Variants in ENOX2 observed in about 807,000 individuals in gnomAD.
The protein encoded by ENOX2 is APK1 antigen.
In ENOX2, 36 loss-of-function variants were observed where a neutral mutation model predicts 45.0. The ratio of observed to expected loss-of-function variants is 0.80; its 90% CI spans 0.61 to 1.06. ENOX2 has a LOEUF of 1.06. Among genes scored for constraint, ENOX2 ranks in the 50% least tolerant of loss-of-function variants. The pLI is 0.00. For synonymous variants in ENOX2, 174 were observed against 152.3 expected, an observed-to-expected ratio of 1.14 and a Z score of -1.05; for missense variants, 423 against 462.5, an observed-to-expected ratio of 0.91 and a Z score of 0.78.
At chrX:130,732,698 TCA>T (rs201498808) in intron 3 of ENOX2, among the ~76,000 whole-genome samples, 4,128 of 99,643 alleles carry the variant, frequency 0.041, 104 homozygotes, top group African/African-American at 0.089. Flanking sequence ...ATAAATCCAT[TCA>T]CACACACACA....
chrX:130,832,941 G>A (rs1203865662), intron 2 of ENOX2, among the ~76,000 whole-genome samples: 1 of 107,937 alleles, frequency 9.3e-6, no homozygotes, highest in African/African-American at 3.4e-5. Flanking sequence ...CTAACTGGTG[G>A]GCCAGATAAA....
At chrX:130,693,444 A>G (rs2037668804) in intron 4 of ENOX2, among the ~76,000 whole-genome samples, 1 of 111,930 alleles carries the variant, frequency 8.9e-6, no homozygotes, top group Non-Finnish European at 1.9e-5. Context: ...GTTGAGGTTC[A>G]AGGGGGGTTT....
At chrX:130,797,108 G>C (rs2077142782) in intron 2 of ENOX2, among the ~76,000 whole-genome samples, 1 of 111,635 alleles carries the variant, frequency 9.0e-6, no homozygotes, top group African/African-American at 3.3e-5. Flanking sequence ...CACTGTATGA[G>C]AGTTAAAATC....
intron 2 of ENOX2, among the ~76,000 whole-genome samples, chrX:130,869,871 C>G (rs2078544734): frequency 1.8e-5 from 2 of 110,967 alleles, no homozygotes; most frequent in African/African-American, 3.2e-5. Context: ...TAAAACTTAA[C>G]AGAAATAGGC....
At chrX:130,676,433 C>A (rs1406267456) in intron 6 of ENOX2, among the ~76,000 whole-genome samples, 1 of 111,403 alleles carries the variant, frequency 9.0e-6, no homozygotes, top group East Asian at 2.8e-4. Flanking sequence ...ATTTAAAGGG[C>A]AAAATTTAGT....
chrX:130,715,099 A>T (rs1323503146), intron 3 of ENOX2, among the ~76,000 whole-genome samples: 1 of 111,753 alleles, frequency 8.9e-6, no homozygotes, highest in Non-Finnish European at 1.9e-5. Flanking sequence ...TCTCTCCTAA[A>T]AGTAGAATGT....
chrX:130,692,418 G>T (rs1033881337), intron 4 of ENOX2, among the ~76,000 whole-genome samples: 3 of 112,493 alleles, frequency 2.7e-5, no homozygotes, highest in African/African-American at 9.7e-5. Context: ...AAGAGTTATG[G>T]AAAAGGCCAA....
rs2037950717 is a variant in ENOX2 at position 130,703,313 on chromosome X, C to G, written c.-38-59G>C. 2.8e-6 allele frequency: 3 copies of G among 1,074,650 alleles called. No individual in the cohort carries two copies. The Admixed American group carries it at 8.1e-5, about 29-fold the overall frequency. The allele number at this position is 1,074,650 out of a possible 1,213,427, so 88.6% of individuals were successfully genotyped here. A position where few individuals can be genotyped will look rare whatever the true frequency, so the allele number is the denominator to read the frequency against. ...TGTTAAGGTTCTAGCAACTAGTTTACTTATAAACATAAATTCTGGCAAACT... is the reference window on the plus strand; with the variant it reads ...TGTTAAGGTTCTAGCAACTAGTTTAGTTATAAACATAAATTCTGGCAAACT... On this transcript the variant is annotated intron_variant, in intron 3 of 14. Coordinates refer to ENST00000394363, the MANE Select transcript of ENOX2 (RefSeq NM_006375.4).
chrX:130,637,467 G>A, intron 10 of ENOX2, 57 bp from the exon 11 acceptor site: 1 of 1,043,436 alleles, frequency 9.6e-7, no homozygotes. Flanking sequence ...TGATTCATCT[G>A]GATATCACAA....
chrX:130,624,352 A>C lies in ENOX2; in HGVS notation c.*962T>G, dbSNP rs2035489854. The stretch of plus-strand genomic sequence containing the variant: ...TATCAAGTCTTTGCAAACATTCAGC[A>C]TGAAGTAAACATAGTATTTACAGCA... On this transcript the variant is annotated 3_prime_UTR_variant, in exon 15 of 15. Coordinates refer to ENST00000394363, the MANE Select transcript of ENOX2 (RefSeq NM_006375.4). 8.8e-6 allele frequency: 1 copy of C among 113,003 alleles called. No individual in the cohort carries two copies. Among genetic ancestry groups the C allele is most frequent in the Admixed American group, 9.4e-5 (1 of 10,659 alleles). 9.3% of individuals were successfully genotyped at this position (113,003 alleles called of 1,213,427 possible).
intron 9 of ENOX2, among the ~76,000 whole-genome samples, chrX:130,665,339 T>C: frequency 8.9e-6 from 1 of 112,322 alleles, no homozygotes; most frequent in Non-Finnish European, 1.9e-5. Flanking sequence ...CAGTAATTAT[T>C]GTTGTACCCA....
At chrX:130,721,614 G>A (rs772269681) in intron 3 of ENOX2, among the ~76,000 whole-genome samples, 1 of 111,211 alleles carries the variant, frequency 9.0e-6, no homozygotes, top group African/African-American at 3.3e-5. Flanking sequence ...TAGGAGACTC[G>A]GGCAGAGGGT....
chrX:130,688,995 T>C lies in ENOX2; in HGVS notation c.121A>G (p.Met41Val). 5.0e-6 allele frequency: 6 copies of C among 1,208,059 alleles called. No homozygotes were observed. Among genetic ancestry groups the C allele is most frequent in the Non-Finnish European group, 6.7e-6 (6 of 893,236 alleles). Residue 41 changes from methionine to valine, a missense_variant, in exon 5 of 15, where the codon ATG becomes GTG. By Grantham distance (21) the Met-to-Val change is conservative (BLOSUM62 1). Coordinates refer to ENST00000394363, the MANE Select transcript of ENOX2 (RefSeq NM_006375.4). Reference sequence around the variant, plus strand: ...GGAGTTATTGGTGGAATTCCAGTCATCATTCCAAGAGCAGGATCAAAGTCT... The same window carrying C: ...GGAGTTATTGGTGGAATTCCAGTCACCATTCCAAGAGCAGGATCAAAGTCT... ...LPDFDPALGMMTGIPPITPMM... is the reference protein window; with the variant it reads ...LPDFDPALGMVTGIPPITPMM...
intron 2 of ENOX2, among the ~76,000 whole-genome samples, chrX:130,788,320 A>G (rs2076997268): frequency 8.9e-6 from 1 of 112,220 alleles, no homozygotes; most frequent in South Asian, 3.7e-4. Flanking sequence ...AGCAATTTCT[A>G]CCATTTTTTC....
chrX:130,658,376 C>G (rs923697592), intron 9 of ENOX2, among the ~76,000 whole-genome samples: 1 of 111,519 alleles, frequency 9.0e-6, no homozygotes, highest in African/African-American at 3.2e-5. Flanking sequence ...TTTTAAAAAA[C>G]AGAGCCTTGG....
chrX:130,809,142 T>C (rs1439110241), intron 2 of ENOX2, among the ~76,000 whole-genome samples: 1 of 112,333 alleles, frequency 8.9e-6, no homozygotes, highest in Non-Finnish European at 1.9e-5. Flanking sequence ...TTATTAAGTT[T>C]ATTAACAGAG....
chrX:130,709,238 C>A (rs2038117316), intron 3 of ENOX2: 1 of 1,203,972 alleles, frequency 8.3e-7, no homozygotes, highest in East Asian at 3.0e-5. Context: ...CAAAGTGGGG[C>A]TTACCTGCAT....
chrX:130,774,779 C>T (rs1342348508), intron 3 of ENOX2, among the ~76,000 whole-genome samples: 1 of 112,049 alleles, frequency 8.9e-6, no homozygotes, highest in Non-Finnish European at 1.9e-5. Flanking sequence ...TGGAATGTCT[C>T]AATTTTGTAC....
chrX:130,654,022 C>T (rs1327008501), intron 10 of ENOX2, among the ~76,000 whole-genome samples: 2 of 111,981 alleles, frequency 1.8e-5, no homozygotes, highest in African/African-American at 6.5e-5. Flanking sequence ...GTAAAGGTAA[C>T]CCAAATGATT....
Sources: allele counts gnomAD v4.1 joint callset (sites outside exome capture counted in the v4.1 genomes callset), GRCh38; gene constraint gnomAD v4.1.1; transcripts MANE v1.5; gene names NCBI Gene and HGNC (gene_info 2026-07-23, HGNC 2026-07-21).